Variants in RAB3IP observed in about 807,000 individuals in gnomAD.
The protein encoded by RAB3IP is RAB3A interacting protein, also known as rab-3A-interacting protein.
A neutral mutation model predicts 59.1 loss-of-function variants in RAB3IP; 36 were observed. That is an observed-to-expected ratio of 0.61 (90% CI 0.47 to 0.80). The LOEUF (loss-of-function observed/expected upper bound fraction) is 0.80, where lower values mean the gene tolerates loss of function less well. Ranked by LOEUF, RAB3IP falls within the 30% of genes least tolerant of loss-of-function variation. The probability of loss-of-function intolerance (pLI) is 0.00; values close to 1 mark genes in which losing one functional copy is unlikely to be tolerated. For missense variants in RAB3IP, 511 were observed against 536.0 expected, an observed-to-expected ratio of 0.95 and a Z score of 0.46; for synonymous variants, 207 against 191.2, an observed-to-expected ratio of 1.08 and a Z score of -0.68.
Position 69,815,473 on chromosome 12 carries a change from T to C in RAB3IP, c.*27T>C, listed in dbSNP as rs752051877. ...GCTCTGCGTGGGACCATGCCTGAAC[T>C]CCCCGAATAACTGAAAAATGGCTGA... On this transcript the variant is annotated 3_prime_UTR_variant, in exon 11 of 11. Coordinates refer to ENST00000247833, the MANE Select transcript of RAB3IP (RefSeq NM_022456.5). The C allele has an allele frequency of 2.8e-6, 4 of 1,452,500 alleles. No individual in the cohort carries two copies. The South Asian group carries it at 4.7e-5, about 17-fold the overall frequency. 90.0% of individuals were successfully genotyped at this position (1,452,500 alleles called of 1,614,324 possible). A position where few individuals can be genotyped will look rare whatever the true frequency, so the allele number is the denominator to read the frequency against.
Position 69,817,778 on chromosome 12 carries a change from C to CT in RAB3IP, c.*2333dup, listed in dbSNP as rs1881294421. On this transcript the variant is annotated 3_prime_UTR_variant, in exon 11 of 11. Coordinates refer to ENST00000247833, the MANE Select transcript of RAB3IP (RefSeq NM_022456.5). ...TGGGCAACATAGGGAGACCTTGTCT[C>CT]TAAAAAAAAAACTAAAGCTAAACTA... 1 of 146,650 alleles carries CT rather than the reference C, an allele frequency of 6.8e-6. No homozygotes were observed. Among genetic ancestry groups the CT allele is most frequent in the Non-Finnish European group, 1.5e-5 (1 of 65,290 alleles). 9.1% of individuals were successfully genotyped at this position (146,650 alleles called of 1,614,324 possible).
At chr12:69,744,034 G>T (rs1223036074) in intron 1 of RAB3IP, among the ~76,000 whole-genome samples, 1 of 152,060 alleles carries the variant, frequency 6.6e-6, no homozygotes, top group Non-Finnish European at 1.5e-5. Flanking sequence ...TGTGCAGAAT[G>T]TGCAGGTTTG....
intron 4 of RAB3IP, among the ~76,000 whole-genome samples, chr12:69,791,316 A>G (rs1876572666): frequency 6.6e-6 from 1 of 152,212 alleles, no homozygotes. Context: ...ACAGGCAACA[A>G]AAACAAAATG....
At chr12:69,752,308 C>G (rs1266201015) in intron 1 of RAB3IP, among the ~76,000 whole-genome samples, 1 of 147,760 alleles carries the variant, frequency 6.8e-6, no homozygotes. Context: ...CTAGCCTTTC[C>G]ATTAAAAAAA....
chr12:69,747,271 C>T (rs1270091373), intron 1 of RAB3IP, among the ~76,000 whole-genome samples: 1 of 150,614 alleles, frequency 6.6e-6, no homozygotes, highest in African/African-American at 2.5e-5. Context: ...GAGATAGGTA[C>T]AGTTTTCTCC....
intron 1 of RAB3IP, among the ~76,000 whole-genome samples, chr12:69,750,498 TTG>T (rs1317320695): frequency 6.6e-6 from 1 of 151,972 alleles, no homozygotes; most frequent in African/African-American, 2.4e-5. Context: ...GGCCCACAGA[TTG>T]TGTTTAGTTA....
At chr12:69,792,309 A>G (rs1565910329) in intron 4 of RAB3IP, among the ~76,000 whole-genome samples, 1 of 152,178 alleles carries the variant, frequency 6.6e-6, no homozygotes, top group African/African-American at 2.4e-5. Context: ...CCCTCCAAAA[A>G]AAAGGTAACT....
At chr12:69,804,304 C>G (rs1001453850) in intron 8 of RAB3IP, among the ~76,000 whole-genome samples, 5 of 152,148 alleles carry the variant, frequency 3.3e-5, no homozygotes, top group Non-Finnish European at 5.9e-5. Flanking sequence ...CTTCTTTTGA[C>G]AAATGTCTGT....
At chr12:69,811,589 C>CA (rs1202046635) in intron 8 of RAB3IP, among the ~76,000 whole-genome samples, 1 of 152,172 alleles carries the variant, frequency 6.6e-6, no homozygotes, top group Non-Finnish European at 1.5e-5. Flanking sequence ...GGAAGTTCCA[C>CA]AGACTTCCAA....
intron 1 of RAB3IP, chr12:69,739,728 T>G: frequency 1.0e-6 from 1 of 1,003,958 alleles, no homozygotes; most frequent in Non-Finnish European, 1.6e-6. Context: ...TGGGATTGCA[T>G]GGCTCTGCCC....
At chr12:69,759,643 G>T (rs1202338177) in intron 3 of RAB3IP, among the ~76,000 whole-genome samples, 25 of 122,616 alleles carry the variant, frequency 2.0e-4, no homozygotes, top group African/African-American at 6.2e-4. Context: ...CGGGGCGGCT[G>T]GCTGGGCGGG....
At chr12:69,795,544 G>C (rs890990477) in intron 6 of RAB3IP, 200 bp downstream of exon 6, 1 of 595,376 alleles carries the variant, frequency 1.7e-6, no homozygotes, top group African/African-American at 1.9e-5. Context: ...TGGAGTACCT[G>C]CTGGAAACTT....
At chr12:69,741,375 G>T (rs531951985) in intron 1 of RAB3IP, among the ~76,000 whole-genome samples, 1 of 152,310 alleles carries the variant, frequency 6.6e-6, no homozygotes, top group Non-Finnish European at 1.5e-5. Context: ...AACTGTATCC[G>T]ACTGCCCAAA....
At chr12:69,760,343 T>G (rs1189633926) in intron 3 of RAB3IP, among the ~76,000 whole-genome samples, 1 of 152,144 alleles carries the variant, frequency 6.6e-6, no homozygotes, top group Non-Finnish European at 1.5e-5. Context: ...CAGTCCAGCT[T>G]TGGCTCGGCA....
intron 1 of RAB3IP, among the ~76,000 whole-genome samples, chr12:69,747,544 A>G (rs894689674): frequency 6.6e-6 from 1 of 152,130 alleles, no homozygotes; most frequent in African/African-American, 2.4e-5. Flanking sequence ...GGCACAAGCA[A>G]CCGTCCTGTC....
At chr12:69,739,514 G>C (rs1001498524) in intron 1 of RAB3IP, 6 of 350,438 alleles carry the variant, frequency 1.7e-5, no homozygotes, top group Admixed American at 4.6e-5. Context: ...ACGCCGCGCG[G>C]CAGGGCTGTG....
rs909095797 is a variant in RAB3IP at position 69,821,521 on chromosome 12, T to G, written c.*6075T>G. ...CAACTTCCTTCTCAATTCTCTTCAC[T>G]TTCCGCAGATCTCGGCACCAGGGTT... is the stretch of plus-strand genomic sequence containing the variant. On this transcript the variant is annotated 3_prime_UTR_variant, in exon 11 of 11. Transcript: ENST00000247833. 6.6e-6 allele frequency: 1 copy of G among 152,258 alleles called. No individual in the cohort carries two copies. Among genetic ancestry groups the G allele is most frequent in the African/African-American group, 2.4e-5 (1 of 41,466 alleles). The allele number at this position is 152,258 out of a possible 1,614,324, so 9.4% of individuals were successfully genotyped here. A position where few individuals can be genotyped will look rare whatever the true frequency, so the allele number is the denominator to read the frequency against.
rs1446437040 is a variant in RAB3IP at position 69,795,346 on chromosome 12, T to G, written c.888+2T>G. On this transcript the variant is annotated splice_donor_variant, in intron 6 of 10. Transcript: ENST00000247833. LOFTEE classifies it high-confidence loss of function. ...CCAATTGTAAAAGACTGCAAAGAGG[T>G]AACTCATCAAGGACTGTCCCCTCTG... 1 of 1,608,522 alleles carries G rather than the reference T, an allele frequency of 6.2e-7. No homozygotes were observed. The highest frequency in any genetic ancestry group is 8.5e-7 in the Non-Finnish European group (1 of 1,175,180).
intron 3 of RAB3IP, among the ~76,000 whole-genome samples, chr12:69,775,861 G>A (rs1301307586): frequency 4.9e-5 from 5 of 101,216 alleles, no homozygotes; most frequent in South Asian, 3.9e-4. Context: ...CAAGGATATT[G>A]GTCTAAAATT....
Sources: gnomAD v4.1 joint callset for allele counts (sites outside exome capture counted in the v4.1 genomes callset) on GRCh38, gnomAD v4.1.1 for gene constraint, MANE v1.5 for transcripts, NCBI Gene and HGNC (gene_info 2026-07-23, HGNC 2026-07-21) for gene names.